The following PPP2R2C variants were observed in gnomAD, a reference collection of about 807,000 sequenced individuals.
PPP2R2C encodes protein phosphatase 2, regulatory subunit B, gamma.
A neutral mutation model predicts 45.3 loss-of-function variants in PPP2R2C; 10 were observed. That is an observed-to-expected ratio of 0.22 (90% CI 0.14 to 0.37). PPP2R2C has a LOEUF of 0.37. PPP2R2C is among the 10% of genes least tolerant of loss of function. The probability of loss-of-function intolerance (pLI) is 1.00; values close to 1 mark genes in which losing one functional copy is unlikely to be tolerated. For synonymous variants in PPP2R2C, 257 were observed against 245.4 expected (o/e 1.05, Z -0.44); for missense variants, 308 against 619.7 (o/e 0.50, Z 5.34).
chr4:6,362,081 G>A (rs1430101204), intron 5 of PPP2R2C, among the ~76,000 whole-genome samples: 1 of 152,098 alleles, frequency 6.6e-6, no homozygotes, highest in African/African-American at 2.4e-5. Flanking sequence ...AGGCTCAGAG[G>A]TGTGAGAGGC....
rs185658687 is a variant in PPP2R2C, at chr4:6,466,532, G to A, written c.70+5628C>T. Among the ~76,000 whole-genome samples the A allele has an allele frequency of 2.1e-3, 316 of 151,978 alleles. No individual in the cohort carries two copies. The Middle Eastern group carries it at 0.027, about 13-fold the overall frequency. ...TACAGTTTTCATTAAAAACAGACAT[G>A]GGCATTAAAAAAAGACTGGAAGGAA... On this transcript the variant is annotated intron_variant, in intron 1 of 8. Transcript: ENST00000382599.
intron 1 of PPP2R2C, among the ~76,000 whole-genome samples, chr4:6,448,665 C>T (rs975517202): frequency 6.6e-6 from 1 of 152,148 alleles, no homozygotes; most frequent in African/African-American, 2.4e-5. Context: ...TCGTAACCCT[C>T]CTGACTACCC....
chr4:6,512,824 A>G (rs1464108010), intron 2 of PPP2R2C, among the ~76,000 whole-genome samples: 1 of 151,924 alleles, frequency 6.6e-6, no homozygotes, highest in Non-Finnish European at 1.5e-5. Flanking sequence ...TGACACTTTT[A>G]TGATAAGGGC....
In PPP2R2C at chr4:6,461,107, G is replaced by A. The variant is rs62284524; in HGVS notation, c.70+11053C>T. 3.2e-3 allele frequency among the ~76,000 whole-genome samples: 481 copies of A among 152,188 alleles called. 1 individual carries two copies. Among genetic ancestry groups the A allele is most frequent in the Non-Finnish European group, 4.5e-3 (304 of 68,004 alleles). On this transcript the variant is annotated intron_variant, in intron 1 of 8. Coordinates refer to ENST00000382599, the MANE Select transcript of PPP2R2C (RefSeq NM_020416.4). ...GATCCACCTGGGCATCACCTATTTG[G>A]CTTTGCAGACTCAGCTCAGACATCG...
chr4:6,492,052 A>G (rs1722715620), intron 2 of PPP2R2C, among the ~76,000 whole-genome samples: 1 of 152,184 alleles, frequency 6.6e-6, no homozygotes, highest in Admixed American at 6.5e-5. Flanking sequence ...AAGGAGGCTT[A>G]ATCAGGATCC....
rs1725637577 is a variant in PPP2R2C at position 6,563,157 on chromosome 4, G to T, written c.-59+403C>A. On this transcript the variant is annotated intron_variant, in intron 1 of 9. Coordinates refer to the PPP2R2C transcript ENST00000506140. The surrounding 1 kb of genome is among the most constrained non-coding windows in gnomAD (Gnocchi z 5.8). ...GCCCGCACCTTCAGCCGGGCAGCGA[G>T]GGGGGGCTCGAGCGCGCCGGTTCTC... Among the ~76,000 whole-genome samples, 2 of 152,116 alleles carry T rather than the reference G, an allele frequency of 1.3e-5. No individual in the cohort carries two copies. The highest frequency in any genetic ancestry group is 4.1e-4 in the South Asian group (2 of 4,826).
At chr4:6,478,031 C>G (rs1319852708) in intron 2 of PPP2R2C, among the ~76,000 whole-genome samples, 2 of 152,204 alleles carry the variant, frequency 1.3e-5, no homozygotes, top group African/African-American at 2.4e-5. Context: ...TCTTCACAGT[C>G]TGGCCCCAAC....
chr4:6,422,817 T>G (rs747749931), intron 1 of PPP2R2C, among the ~76,000 whole-genome samples: 1 of 152,208 alleles, frequency 6.6e-6, no homozygotes, highest in South Asian at 2.1e-4. Flanking sequence ...GACTTCAACA[T>G]GTGAGTTTTG....
intron 2 of PPP2R2C, among the ~76,000 whole-genome samples, chr4:6,484,547 C>T (rs73207870): frequency 0.1 from 15,717 of 151,450 alleles, 924 homozygotes; most frequent in Non-Finnish European, 0.14. Flanking sequence ...ATTGTTTACA[C>T]TGTGTTGAAT....
At chr4:6,407,458 C>G (rs982758019) in intron 1 of PPP2R2C, among the ~76,000 whole-genome samples, 1 of 152,206 alleles carries the variant, frequency 6.6e-6, no homozygotes, top group African/African-American at 2.4e-5. Flanking sequence ...TGCGGTGGCA[C>G]GATCTCAGCT....
intron 1 of PPP2R2C, among the ~76,000 whole-genome samples, chr4:6,558,007 G>A (rs1396263615): frequency 2.0e-5 from 3 of 152,114 alleles, no homozygotes; most frequent in Non-Finnish European, 4.4e-5. Flanking sequence ...GAAGGAGGCG[G>A]CCAGGTGCTT....
At chr4:6,459,004 G>A (rs548099703) in intron 1 of PPP2R2C, among the ~76,000 whole-genome samples, 2 of 152,226 alleles carry the variant, frequency 1.3e-5, no homozygotes, top group African/African-American at 2.4e-5. Context: ...CTGAGAAGGA[G>A]GAGGACCAGG....
intron 1 of PPP2R2C, among the ~76,000 whole-genome samples, chr4:6,448,144 T>C (rs1361037645): frequency 6.6e-6 from 1 of 152,044 alleles, no homozygotes; most frequent in East Asian, 1.9e-4. Flanking sequence ...GTCACGGCAG[T>C]CATTTATTGG....
At chr4:6,510,772 T>C (rs1457724164) in intron 2 of PPP2R2C, among the ~76,000 whole-genome samples, 3 of 151,936 alleles carry the variant, frequency 2.0e-5, no homozygotes, top group Non-Finnish European at 4.4e-5. Flanking sequence ...GGTCAGGAGA[T>C]AGAGACCATC....
chr4:6,384,194 C>A, intron 1 of PPP2R2C: 1 of 985,472 alleles, frequency 1.0e-6, no homozygotes, highest in Non-Finnish European at 1.2e-6. Flanking sequence ...ACCACCCAGC[C>A]CAGCTGTGCT....
rs138664321 is a variant in PPP2R2C, at chr4:6,352,732, C to G, written c.626-4722G>C. On this transcript the variant is annotated intron_variant, in intron 5 of 8. Coordinates refer to ENST00000382599, the MANE Select transcript of PPP2R2C (RefSeq NM_020416.4). Reference sequence around the variant, plus strand: ...CCTCAACTGAGCACAGACTATTTTTCTCCACTGCAGTGGGTTGAATAATGG... The same window carrying G: ...CCTCAACTGAGCACAGACTATTTTTGTCCACTGCAGTGGGTTGAATAATGG... 8.5e-4 allele frequency among the ~76,000 whole-genome samples: 129 copies of G among 152,332 alleles called. 3 individuals are homozygous for G. In the East Asian group the frequency reaches 0.024, roughly 28 times the overall value.
intron 5 of PPP2R2C, chr4:6,349,209 T>C (rs1186228881): frequency 6.1e-6 from 6 of 985,314 alleles, no homozygotes; most frequent in African/African-American, 3.5e-5. Context: ...TCCCCGGCCC[T>C]GCATGGGGCT....
chr4:6,386,534 C>T (rs892096084), intron 1 of PPP2R2C, among the ~76,000 whole-genome samples: 1 of 152,228 alleles, frequency 6.6e-6, no homozygotes, highest in East Asian at 1.9e-4. Context: ...TGCCACTGCC[C>T]ACCACTCACG....
chr4:6,456,029 C>T (rs921328033), intron 1 of PPP2R2C, among the ~76,000 whole-genome samples: 1 of 152,182 alleles, frequency 6.6e-6, no homozygotes, highest in Non-Finnish European at 1.5e-5. Flanking sequence ...TCCTGAATCC[C>T]CCTACCCCAC....
Sources: gnomAD v4.1 joint callset for allele counts (sites outside exome capture counted in the v4.1 genomes callset) on GRCh38, gnomAD v4.1.1 for gene constraint, Gnocchi (gnomAD v3.1) non-coding constraint, MANE v1.5 for transcripts, NCBI Gene and HGNC (gene_info 2026-07-23, HGNC 2026-07-21) for gene names.